The following UBL3 variants were observed in gnomAD, a reference collection of about 807,000 sequenced individuals.
UBL3 encodes the protein ubiquitin-like protein 3.
Under a neutral mutation model 18.4 loss-of-function variants are expected in UBL3, and 6 were observed. That is an observed-to-expected ratio of 0.33 (90% CI 0.18 to 0.64). UBL3 has a LOEUF of 0.64. Ranked by LOEUF, UBL3 falls within the 30% of genes least tolerant of loss-of-function variation. UBL3 has a pLI of 0.76. For missense variants in UBL3, 109 were observed against 142.9 expected, an observed-to-expected ratio of 0.76 and a Z score of 1.21; for synonymous variants, 49 against 46.6, an observed-to-expected ratio of 1.05 and a Z score of -0.21.
At chr13:29,813,312 T>G (rs931837413) in intron 1 of UBL3, among the ~76,000 whole-genome samples, 1 of 152,082 alleles carries the variant, frequency 6.6e-6, no homozygotes, top group Non-Finnish European at 1.5e-5. Context: ...CATAGTATTC[T>G]TCTTCATTTT....
At chr13:29,818,118 T>C (rs1486084179) in intron 1 of UBL3, among the ~76,000 whole-genome samples, 2 of 152,190 alleles carry the variant, frequency 1.3e-5, no homozygotes, top group African/African-American at 2.4e-5. Context: ...GAATCAGCTC[T>C]GCATTTACCC....
chr13:29,780,367 A>ATATAT (rs1555232301), intron 1 of UBL3, among the ~76,000 whole-genome samples: 2 of 103,340 alleles, frequency 1.9e-5, no homozygotes, highest in Non-Finnish European at 3.6e-5. Flanking sequence ...AAAAAAAAAA[A>ATATAT]ATATATATAT....
intron 1 of UBL3, chr13:29,777,562 A>G: frequency 2.2e-6 from 1 of 455,848 alleles, no homozygotes. Flanking sequence ...TCAGAATTGA[A>G]CTTTTGCAAG....
intron 2 of UBL3, among the ~76,000 whole-genome samples, chr13:29,775,395 T>C (rs535560913): frequency 1.3e-5 from 2 of 152,230 alleles, no homozygotes; most frequent in Non-Finnish European, 2.9e-5. Context: ...GCTCCGTATA[T>C]TATTTAAGGT....
intron 1 of UBL3, among the ~76,000 whole-genome samples, chr13:29,839,637 T>A (rs994345586): frequency 6.6e-6 from 1 of 151,944 alleles, no homozygotes; most frequent in Non-Finnish European, 1.5e-5. Flanking sequence ...AAAAAGATTT[T>A]AAAAAATAGG....
intron 1 of UBL3, among the ~76,000 whole-genome samples, chr13:29,817,335 G>T (rs186886351): frequency 6.6e-6 from 1 of 152,028 alleles, no homozygotes; most frequent in Non-Finnish European, 1.5e-5. Flanking sequence ...TGTTTGTTTT[G>T]CCTCTTATCT....
At chr13:29,819,200 A>C (rs1357703445) in intron 1 of UBL3, among the ~76,000 whole-genome samples, 1 of 152,230 alleles carries the variant, frequency 6.6e-6, no homozygotes, top group African/African-American at 2.4e-5. Context: ...CATGAAAGTT[A>C]AAATAAAAGT....
chr13:29,786,956 G>A (rs906856118), intron 1 of UBL3, among the ~76,000 whole-genome samples: 1 of 152,162 alleles, frequency 6.6e-6, no homozygotes, highest in African/African-American at 2.4e-5. Context: ...TACTTGGAAT[G>A]TGAACTTGCA....
intron 1 of UBL3, among the ~76,000 whole-genome samples, chr13:29,782,743 G>A (rs1257072062): frequency 6.6e-6 from 1 of 152,146 alleles, no homozygotes; most frequent in East Asian, 1.9e-4. Flanking sequence ...CACCCTTCTG[G>A]GTGGGGAAGG....
chr13:29,818,686 C>T (rs987493695), intron 1 of UBL3, among the ~76,000 whole-genome samples: 3 of 152,100 alleles, frequency 2.0e-5, no homozygotes, highest in African/African-American at 7.2e-5. Flanking sequence ...CAATGTATAA[C>T]AGCTTGTATA....
At chr13:29,835,125 AATATATAT>A (rs59643985) in intron 1 of UBL3, among the ~76,000 whole-genome samples, 30 of 23,422 alleles carry the variant, frequency 1.3e-3, no homozygotes, top group African/African-American at 2.4e-3. Context: ...TATATATATA[AATATATAT>A]ATATATATAT....
chr13:29,778,165 G>A (rs1331510676), intron 1 of UBL3, among the ~76,000 whole-genome samples: 1 of 152,076 alleles, frequency 6.6e-6, no homozygotes, highest in Non-Finnish European at 1.5e-5. Context: ...TTTTTTAGGG[G>A]GAGTAAGGTA....
chr13:29,765,013 G>C lies in UBL3; in HGVS notation c.*2242C>G, dbSNP rs1876629859. 1 of 151,798 alleles carries C rather than the reference G, an allele frequency of 6.6e-6. No homozygotes were observed. The highest frequency in any genetic ancestry group is 2.4e-5 in the African/African-American group (1 of 41,292). The allele number at this position is 151,798 out of a possible 1,614,324, so 9.4% of individuals were successfully genotyped here. ...CTTTTTTTTCATATTGTACAACTAT[G>C]ATATTAGGTATTAAGCGACGTAATT... On this transcript the variant is annotated 3_prime_UTR_variant, in exon 5 of 5. Transcript: ENST00000380680.
intron 1 of UBL3, among the ~76,000 whole-genome samples, chr13:29,779,710 C>A (rs1877096988): frequency 6.6e-6 from 1 of 152,086 alleles, no homozygotes; most frequent in Non-Finnish European, 1.5e-5. Flanking sequence ...GAACAGATAG[C>A]CACAATATAT....
chr13:29,792,891 A>G (rs1170829035), intron 1 of UBL3, among the ~76,000 whole-genome samples: 1 of 152,250 alleles, frequency 6.6e-6, no homozygotes, highest in Non-Finnish European at 1.5e-5. Flanking sequence ...TATAAAATAC[A>G]GCACAAAATT....
chr13:29,805,629 T>G (rs187885309), intron 1 of UBL3, among the ~76,000 whole-genome samples: 1 of 152,346 alleles, frequency 6.6e-6, no homozygotes, highest in East Asian at 1.9e-4. Flanking sequence ...GGCTTAATTA[T>G]AACTTGCCCT....
intron 1 of UBL3, among the ~76,000 whole-genome samples, chr13:29,785,140 A>C (rs904085439): frequency 6.6e-6 from 1 of 152,184 alleles, no homozygotes; most frequent in Non-Finnish European, 1.5e-5. Flanking sequence ...TCCTGACCTC[A>C]GGTGATCCAC....
At chr13:29,789,765 G>C (rs1565992383) in intron 1 of UBL3, among the ~76,000 whole-genome samples, 1 of 152,222 alleles carries the variant, frequency 6.6e-6, no homozygotes, top group African/African-American at 2.4e-5. Context: ...TGGAAAGTCA[G>C]TCAGAAGTCC....
In UBL3 at chr13:29,770,344, T is replaced by C. The variant is rs140001402; in HGVS notation, c.223+1768A>G. 1.8e-3 allele frequency among the ~76,000 whole-genome samples: 281 copies of C among 152,174 alleles called. 2 individuals are homozygous for C. Among genetic ancestry groups the C allele is most frequent in the African/African-American group, 6.6e-3 (274 of 41,552 alleles). On this transcript the variant is annotated intron_variant, in intron 3 of 4. Transcript: ENST00000380680. ...ATGCTTCTACACTAGAGATAGTTTA[T>C]TGTTTTTGAAAAGAAGGACAGCAAC...
Sources: gnomAD v4.1 joint callset for allele counts (sites outside exome capture counted in the v4.1 genomes callset) on GRCh38, gnomAD v4.1.1 for gene constraint, MANE v1.5 for transcripts, NCBI Gene and HGNC (gene_info 2026-07-23, HGNC 2026-07-21) for gene names.